TMEM167A: variants seen among roughly 807,000 people sequenced by gnomAD.
TMEM167A encodes transmembrane protein 167A, also known as protein kish-A.
TMEM167A carries 8 observed loss-of-function variants against 11.6 expected under a neutral mutation model. The observed-to-expected ratio is 0.69, with a 90% CI of 0.40 to 1.24. The LOEUF (loss-of-function observed/expected upper bound fraction) is 1.24. Ranked by LOEUF, TMEM167A falls within the 50% of genes most tolerant of loss-of-function variation. TMEM167A has a pLI of 0.01. For synonymous variants in TMEM167A, 22 were observed against 28.0 expected, an observed-to-expected ratio of 0.79 and a Z score of 0.67; for missense variants, 62 against 87.0, an observed-to-expected ratio of 0.71 and a Z score of 1.14.
intron 1 of TMEM167A, among the ~76,000 whole-genome samples, chr5:83,074,752 A>G (rs937914140): frequency 6.6e-6 from 1 of 150,638 alleles, no homozygotes; most frequent in Non-Finnish European, 1.5e-5. Context: ...GAAGACACTG[A>G]GCATGTTTGT....
At chr5:83,063,386 A>G (rs916098983) in intron 2 of TMEM167A, among the ~76,000 whole-genome samples, 2 of 152,128 alleles carry the variant, frequency 1.3e-5, no homozygotes, top group Non-Finnish European at 1.5e-5. Flanking sequence ...AACTCTAGGT[A>G]TCACTTAAAA....
chr5:83,061,749 T>C (rs1744409866), intron 3 of TMEM167A, 128 bp downstream of exon 3: 6 of 894,558 alleles, frequency 6.7e-6, no homozygotes, highest in East Asian at 2.6e-5. Flanking sequence ...TTATAAACTT[T>C]TGCGAAAATG....
chr5:83,063,837 T>C (rs1744441130), intron 2 of TMEM167A, among the ~76,000 whole-genome samples: 2 of 152,104 alleles, frequency 1.3e-5, no homozygotes, highest in Admixed American at 1.3e-4. Flanking sequence ...ATAAAGACCA[T>C]GTAGTAATCT....
intron 3 of TMEM167A, 92 bp from the exon 4 acceptor site, chr5:83,057,246 T>C: frequency 7.9e-7 from 1 of 1,261,810 alleles, no homozygotes; most frequent in Non-Finnish European, 1.1e-6. Context: ...AAGATAACAT[T>C]CTTCCCTAGG....
chr5:83,063,509 TG>T (rs1744435320), intron 2 of TMEM167A, among the ~76,000 whole-genome samples: 2 of 152,158 alleles, frequency 1.3e-5, no homozygotes, highest in South Asian at 4.1e-4. Context: ...AAGGTCTTTT[TG>T]GGTCTAATAT....
intron 3 of TMEM167A, 152 bp downstream of exon 3, chr5:83,061,725 G>A (rs1744409659): frequency 6.8e-6 from 5 of 736,910 alleles, no homozygotes; most frequent in South Asian, 3.6e-5. Context: ...ATAAGGAAAA[G>A]AGCTTGGTAC....
rs255561 is a variant in TMEM167A at position 83,054,991 on chromosome 5, C to T, written c.*2093G>A. 6.6e-6 allele frequency: 1 copy of T among 151,678 alleles called. No homozygotes were observed. Among genetic ancestry groups the T allele is most frequent in the African/African-American group, 2.4e-5 (1 of 41,294 alleles). The allele number at this position is 151,678 out of a possible 1,614,324, so 9.4% of individuals were successfully genotyped here. A position where few individuals can be genotyped will look rare whatever the true frequency, so the allele number is the denominator to read the frequency against. On this transcript the variant is annotated 3_prime_UTR_variant, in exon 4 of 4. Transcript: ENST00000502346. ...CCCCTTGGGTTAGAGAACAGGATTC[C>T]GTGGTCCTCTTTGAAAAATATACAT...
chr5:83,056,850 T>C lies in TMEM167A; in HGVS notation c.*234A>G, dbSNP rs1212737788. ...ACAACAGAATAACATTTGCAGAATG[T>C]AATATTGTAGTGACAGTACTGAGGT... On this transcript the variant is annotated 3_prime_UTR_variant, in exon 4 of 4. Transcript: ENST00000502346. The C allele has an allele frequency of 3.5e-5, 19 of 542,512 alleles. No individual in the cohort carries two copies. The highest frequency in any genetic ancestry group is 1.4e-4 in the Admixed American group (4 of 28,866). The allele number at this position is 542,512 out of a possible 1,614,324, so 33.6% of individuals were successfully genotyped here. A position where few individuals can be genotyped will look rare whatever the true frequency, so the allele number is the denominator to read the frequency against.
In TMEM167A at chr5:83,061,930, G is replaced by T; in HGVS notation, c.114-19C>A. ...CAACAATCTGCATAGAATAAAAAAA[G>T]AAAAAAAGTAGCTATTGATTACTCG... On this transcript the variant is annotated intron_variant, in intron 2 of 3. Transcript: ENST00000502346. The T allele has an allele frequency of 6.2e-7, 1 of 1,602,878 alleles. No individual in the cohort carries two copies. The highest frequency in any genetic ancestry group is 1.1e-5 in the South Asian group (1 of 90,304).
At chr5:83,060,279 A>G (rs1192171626) in intron 3 of TMEM167A, among the ~76,000 whole-genome samples, 1 of 151,884 alleles carries the variant, frequency 6.6e-6, no homozygotes, top group African/African-American at 2.4e-5. Context: ...ACTGGCTAAC[A>G]ATAAATGTCA....
chr5:83,057,160 G>A lies in TMEM167A; in HGVS notation c.149-6C>T, dbSNP rs1561300618. 7 of 1,610,192 alleles carry A rather than the reference G, an allele frequency of 4.3e-6. No homozygotes were observed. In the Admixed American group the frequency reaches 1.2e-4, roughly 27 times the overall value. ...ATAAGGACTCTTCCGTTCACCTGTT[G>A]AAAAAAAGGAGATGTTCATCTTGAT... On this transcript the variant is annotated splice_region_variant and splice_polypyrimidine_tract_variant and intron_variant, in intron 3 of 3. Coordinates refer to ENST00000502346, the MANE Select transcript of TMEM167A (RefSeq NM_174909.5).
chr5:83,074,483 T>C (rs1744609128), intron 1 of TMEM167A, among the ~76,000 whole-genome samples: 1 of 152,202 alleles, frequency 6.6e-6, no homozygotes, highest in Non-Finnish European at 1.5e-5. Context: ...GGAGACTCAG[T>C]TTAATTATGA....
intron 3 of TMEM167A, among the ~76,000 whole-genome samples, chr5:83,059,864 TGTGACTATCAAAGCTG>T (rs989641194): frequency 6.6e-5 from 10 of 151,898 alleles, no homozygotes; most frequent in Non-Finnish European, 1.2e-4. Context: ...TGAGTCCAGC[TGTGACTATCAAAGCTG>T]TCTCTCTATT....
intron 1 of TMEM167A, among the ~76,000 whole-genome samples, chr5:83,069,755 CCT>C (rs1254333884): frequency 3.3e-5 from 5 of 152,040 alleles, no homozygotes; most frequent in Admixed American, 6.6e-5. Flanking sequence ...TCATCAATCC[CCT>C]GTGACTATTA....
chr5:83,064,845 T>C (rs2112243371), intron 2 of TMEM167A, among the ~76,000 whole-genome samples, 163 bp downstream of exon 2: 1 of 152,230 alleles, frequency 6.6e-6, no homozygotes, highest in Non-Finnish European at 1.5e-5. Flanking sequence ...AGTAAGATAT[T>C]GTGAATATAA....
At position 83,053,274 on chromosome 5, in the gene TMEM167A, G is replaced by A. The variant is rs1182793583; in HGVS notation, c.*3810C>T. 3.3e-5 allele frequency: 5 copies of A among 151,890 alleles called. No homozygotes were observed. Among genetic ancestry groups the A allele is most frequent in the African/African-American group, 9.7e-5 (4 of 41,394 alleles). The allele number at this position is 151,890 out of a possible 1,614,324, so 9.4% of individuals were successfully genotyped here. A position where few individuals can be genotyped will look rare whatever the true frequency, so the allele number is the denominator to read the frequency against. On this transcript the variant is annotated 3_prime_UTR_variant, in exon 4 of 4. Coordinates refer to ENST00000502346, the MANE Select transcript of TMEM167A (RefSeq NM_174909.5). ...CAAAAAGCGTAAGTCCTTGCTTTTT[G>A]AGAATTTTTTTTTGTGCACCCAGGA... is the stretch of plus-strand genomic sequence containing the variant.
chr5:83,054,676 CCTA>C lies in TMEM167A; in HGVS notation c.*2405_*2407del, dbSNP rs1744303479. On this transcript the variant is annotated 3_prime_UTR_variant, in exon 4 of 4. Transcript: ENST00000502346. ...AAGAAAGGAACAACAGACACTGGGGCCTACTTGAGGGTGGAGGGTGGGAGGAGG... is the reference window on the plus strand; with the variant it reads ...AAGAAAGGAACAACAGACACTGGGGCCTTGAGGGTGGAGGGTGGGAGGAGG... 6.6e-6 allele frequency: 1 copy of C among 151,808 alleles called. No individual in the cohort carries two copies. The highest frequency in any genetic ancestry group is 1.5e-5 in the Non-Finnish European group (1 of 67,878). 9.4% of individuals were successfully genotyped at this position (151,808 alleles called of 1,614,324 possible). A position where few individuals can be genotyped will look rare whatever the true frequency, so the allele number is the denominator to read the frequency against.
intron 1 of TMEM167A, among the ~76,000 whole-genome samples, chr5:83,071,173 G>C (rs1190728515): frequency 6.6e-6 from 1 of 152,084 alleles, no homozygotes; most frequent in Admixed American, 6.6e-5. Flanking sequence ...AAATTGTTTA[G>C]CAAATTTGTT....
intron 1 of TMEM167A, among the ~76,000 whole-genome samples, chr5:83,074,368 T>A (rs984693295): frequency 6.6e-6 from 1 of 152,184 alleles, no homozygotes; most frequent in African/African-American, 2.4e-5. Flanking sequence ...CTTGGGGACA[T>A]CTCTCAAGCA....
Sources: allele counts gnomAD v4.1 joint callset (sites outside exome capture counted in the v4.1 genomes callset), GRCh38; gene constraint gnomAD v4.1.1; transcripts MANE v1.5; gene names NCBI Gene and HGNC (gene_info 2026-07-23, HGNC 2026-07-21).